Variants in ACSM6 observed in about 807,000 individuals in gnomAD.
ACSM6 encodes the protein acyl-CoA synthetase medium chain family member 6, also known as acyl-coenzyme A synthetase ACSM6, mitochondrial.
Under a neutral mutation model 51.1 loss-of-function variants are expected in ACSM6, and 35 were observed. The observed-to-expected ratio is 0.69, with a 90% CI of 0.52 to 0.91. The LOEUF is 0.91. Ranked by LOEUF, ACSM6 falls within the 40% of genes least tolerant of loss-of-function variation. ACSM6 has a pLI of 0.00. For missense variants in ACSM6, 509 were observed against 584.1 expected (o/e 0.87, Z 1.32); for synonymous variants, 172 against 207.3 (o/e 0.83, Z 1.46).
At chr10:95,217,906 T>C (rs570029293) in intron 8 of ACSM6, among the ~76,000 whole-genome samples, 1 of 152,358 alleles carries the variant, frequency 6.6e-6, no homozygotes, top group African/African-American at 2.4e-5. Flanking sequence ...TTCAAAACTG[T>C]AAAAGAGGGA....
exon 3 of ACSM6, chr10:95,202,051 A>G: frequency 6.4e-7 from 1 of 1,551,842 alleles, no homozygotes; most frequent in Non-Finnish European, 8.7e-7. Context: ...GGACAAATGG[A>G]GCTTTGAAAG....
intron 3 of ACSM6, among the ~76,000 whole-genome samples, chr10:95,203,793 C>G (rs1320249126): frequency 6.7e-6 from 1 of 149,698 alleles, no homozygotes; most frequent in African/African-American, 2.5e-5. Context: ...TGAGATGGGC[C>G]AAACTCATTA....
intron 2 of ACSM6, among the ~76,000 whole-genome samples, chr10:95,197,484 T>G (rs947208537): frequency 2.0e-5 from 3 of 152,006 alleles, no homozygotes; most frequent in South Asian, 2.1e-4. Flanking sequence ...ATGTCATAAT[T>G]AAGTCAAGGG....
chr10:95,218,392 G>T (rs2034965172), intron 8 of ACSM6, among the ~76,000 whole-genome samples: 1 of 152,204 alleles, frequency 6.6e-6, no homozygotes, highest in African/African-American at 2.4e-5. Flanking sequence ...AGTCCATTTT[G>T]CTGGGAATAG....
intron 2 of ACSM6, among the ~76,000 whole-genome samples, chr10:95,196,966 T>TATCTA (rs2034732286): frequency 6.6e-6 from 1 of 152,212 alleles, no homozygotes; most frequent in Non-Finnish European, 1.5e-5. Flanking sequence ...TATCTTTGTG[T>TATCTA]ATCTATATTC....
Position 95,203,137 on chromosome 10 carries a change from G to A in ACSM6, c.403+942G>A, listed in dbSNP as rs866267969. 6.6e-5 allele frequency among the ~76,000 whole-genome samples: 10 copies of A among 152,070 alleles called. No individual in the cohort carries two copies. In the Middle Eastern group the frequency reaches 0.01, roughly 155 times the overall value. ...CTCTGCCTCCTGTCAGATCAGAGGT[G>A]GCATTAGATTCTCATAGGAGCGCAA... On this transcript the variant is annotated intron_variant, in intron 3 of 10. Coordinates refer to ENST00000341686, the Ensembl canonical transcript of ACSM6.
At chr10:95,218,097 T>A (rs2133388567) in intron 8 of ACSM6, among the ~76,000 whole-genome samples, 1 of 152,334 alleles carries the variant, frequency 6.6e-6, no homozygotes, top group East Asian at 1.9e-4. Flanking sequence ...TAGGCAGTAA[T>A]GATTTTGGCT....
chr10:95,204,414 C>G (rs760470185), intron 3 of ACSM6, among the ~76,000 whole-genome samples: 3 of 151,980 alleles, frequency 2.0e-5, no homozygotes, highest in Non-Finnish European at 4.4e-5. Flanking sequence ...ATTAGCCAGA[C>G]GTGATGGTGG....
Position 95,210,811 on chromosome 10 carries a change from C to A in ACSM6, c.755+18C>A. 1 of 1,605,534 alleles carries A rather than the reference C, an allele frequency of 6.2e-7. No individual in the cohort carries two copies. Among genetic ancestry groups the A allele is most frequent in the Non-Finnish European group, 8.5e-7 (1 of 1,177,030 alleles). ...GCTTCCAGGTACGGTTCTCGCACAG[C>A]CTGTACAGGCCTGAAAGTTGTTCTC... On this transcript the variant is annotated intron_variant, in intron 5 of 10. Coordinates refer to ENST00000341686, the Ensembl canonical transcript of ACSM6.
chr10:95,203,858 A>T (rs372198206), intron 3 of ACSM6, among the ~76,000 whole-genome samples: 94 of 39,722 alleles, frequency 2.4e-3, no homozygotes, highest in African/African-American at 8.4e-3. Flanking sequence ...TGCTAGATTT[A>T]AAAAAAAAAA....
rs986622136 is a variant in ACSM6, at chr10:95,212,707, C to T, written c.913-151C>T. On this transcript the variant is annotated intron_variant, in intron 6 of 10. Coordinates refer to ENST00000341686, the Ensembl canonical transcript of ACSM6. ...TCCCAAGGTGTGGAAGGTGGGGAAT[C>T]ACTAAGTCTTTGAGATAAAAGGCAT... 23 of 630,724 alleles carry T rather than the reference C, an allele frequency of 3.6e-5. No homozygotes were observed. The East Asian group carries it at 6.0e-4, about 17-fold the overall frequency. The allele number at this position is 630,724 out of a possible 1,614,324, so 39.1% of individuals were successfully genotyped here.
chr10:95,219,322 C>G (rs1192106273), intron 8 of ACSM6, among the ~76,000 whole-genome samples: 11 of 152,288 alleles, frequency 7.2e-5, no homozygotes, highest in Admixed American at 5.2e-4. Flanking sequence ...CATTACTCCT[C>G]TACAATCCCA....
chr10:95,213,116 T>C (rs2034911427), intron 7 of ACSM6, among the ~76,000 whole-genome samples, 176 bp downstream of exon 7: 1 of 152,154 alleles, frequency 6.6e-6, no homozygotes, highest in Non-Finnish European at 1.5e-5. Flanking sequence ...CCCTTGCAAC[T>C]TGAAATCCAT....
intron 2 of ACSM6, among the ~76,000 whole-genome samples, chr10:95,197,441 A>G (rs1175218157): frequency 1.3e-5 from 2 of 152,190 alleles, no homozygotes; most frequent in Admixed American, 1.3e-4. Context: ...AATAAGGAGA[A>G]GGTCAGCAAC....
In ACSM6 at chr10:95,210,718, A is replaced by G. The variant is rs7090248; in HGVS notation, c.680A>G (p.Lys227Arg). Residue 227 changes from lysine (K) to arginine (R), a missense_variant, in exon 5 of 11, where the codon AAG becomes AGG. Coordinates refer to ENST00000341686, the Ensembl canonical transcript of ACSM6. ...GATCCAATGGCCATATTCTTCACCA[A>G]GGGTACAACAGGAGCTCCCAAAATG... is the stretch of plus-strand genomic sequence containing the variant. The G allele has an allele frequency of 8.1e-3, 13,016 of 1,613,930 alleles. 910 individuals carry two copies. The African/African-American group carries it at 0.15, about 18-fold the overall frequency.
chr10:95,194,698 C>T (rs1417245804), intron 2 of ACSM6, 21 bp downstream of exon 2: 1 of 1,544,690 alleles, frequency 6.5e-7, no homozygotes, highest in Non-Finnish European at 8.8e-7. Context: ...TTGTTTTCTA[C>T]CTTGGAAACT....
At position 95,210,649 on chromosome 10, in the gene ACSM6, G is replaced by C. The variant is rs1297096555; in HGVS notation, c.612-1G>C. ...ACTGTTGCCTCTTTCCTGGCTTACA[G>C]AGTTGCCCCTCCAAAGCAGACCTAC... is the stretch of plus-strand genomic sequence containing the variant. On this transcript the variant is annotated splice_acceptor_variant, in intron 4 of 10. Transcript: ENST00000341686. LOFTEE classifies it high-confidence loss of function. 6.2e-7 allele frequency: 1 copy of C among 1,613,006 alleles called. No individual in the cohort carries two copies. Among genetic ancestry groups the C allele is most frequent in the Non-Finnish European group, 8.5e-7 (1 of 1,179,538 alleles).
chr10:95,211,050 C>T (rs565517485), intron 5 of ACSM6, among the ~76,000 whole-genome samples: 3 of 152,088 alleles, frequency 2.0e-5, no homozygotes, highest in Non-Finnish European at 4.4e-5. Flanking sequence ...GGATGATCAC[C>T]CCAAAGACAC....
intron 2 of ACSM6, among the ~76,000 whole-genome samples, chr10:95,196,854 TA>T (rs2034729244): frequency 1.3e-5 from 2 of 152,248 alleles, no homozygotes; most frequent in Admixed American, 1.3e-4. Context: ...GTTTATAAAG[TA>T]TTTCATTGAG....
Sources: gnomAD v4.1 joint callset for allele counts (sites outside exome capture counted in the v4.1 genomes callset) on GRCh38, gnomAD v4.1.1 for gene constraint, MANE v1.5 for transcripts, NCBI Gene and HGNC (gene_info 2026-07-23, HGNC 2026-07-21) for gene names.